EMP2: variants seen among roughly 807,000 people sequenced by gnomAD.
EMP2 encodes epithelial membrane protein 2.
EMP2 carries 19 observed loss-of-function variants against 13.7 expected under a neutral mutation model. The ratio of observed to expected loss-of-function variants is 1.38; its 90% CI spans 0.97 to 2.03. EMP2 has a LOEUF of 2.03. Ranked by LOEUF, EMP2 falls within the 30% of genes most tolerant of loss-of-function variation. The pLI is 0.00. For missense variants in EMP2, 253 were observed against 220.7 expected (o/e 1.15, Z -0.93); for synonymous variants, 97 against 84.7 (o/e 1.15, Z -0.80).
Position 10,532,996 on chromosome 16 carries a change from C to A in EMP2, c.413G>T (p.Ser138Ile), listed in dbSNP as rs748237183. 3.1e-6 allele frequency: 5 copies of A among 1,612,188 alleles called. No homozygotes were observed. The highest frequency in any genetic ancestry group is 4.2e-6 in the Non-Finnish European group (5 of 1,179,268). Residue 138 changes from serine to isoleucine, a missense_variant, in exon 5 of 5, where the codon AGC becomes ATC. Physicochemically the swap from Ser to Ile is moderately radical, Grantham distance 142 (BLOSUM62 -2). Coordinates refer to ENST00000359543, the MANE Select transcript of EMP2 (RefSeq NM_001424.6). ...AKFYPVTREG[S>I]YGYSYILAWV... ...CGCCAGGATGTAGGAGTAGCCGTAG[C>A]TGCCTTCTCTGGTCACGGGATAGAA...
chr16:10,550,861 G>A (rs958095783), intron 1 of EMP2, among the ~76,000 whole-genome samples: 2 of 151,974 alleles, frequency 1.3e-5, no homozygotes, highest in African/African-American at 2.4e-5. Flanking sequence ...TGTAATTCCA[G>A]GTACTCAGGA....
chr16:10,554,299 T>G (rs1269850857), intron 1 of EMP2, among the ~76,000 whole-genome samples: 1 of 152,216 alleles, frequency 6.6e-6, no homozygotes, highest in Non-Finnish European at 1.5e-5. Flanking sequence ...CCCAGAGTGC[T>G]AGGATTACAG....
rs1181159114 is a variant in EMP2 at position 10,576,734 on chromosome 16, T to C, written c.-61+3815A>G. The C allele has an allele frequency of 2.6e-5, 4 of 152,256 alleles. No individual in the cohort carries two copies. The South Asian group carries it at 6.2e-4, about 24-fold the overall frequency. The allele number at this position is 152,256 out of a possible 1,614,324, so 9.4% of individuals were successfully genotyped here. A position where few individuals can be genotyped will look rare whatever the true frequency, so the allele number is the denominator to read the frequency against. The stretch of plus-strand genomic sequence containing the variant: ...CAAGGAAGATGAGGGCCCCAGGAAT[T>C]CAATTATTCACTTTAGCAGCTACTC... On this transcript the variant is annotated intron_variant, in intron 1 of 4. Coordinates refer to ENST00000359543, the MANE Select transcript of EMP2 (RefSeq NM_001424.6).
chr16:10,577,788 G>T (rs951037668), intron 1 of EMP2, among the ~76,000 whole-genome samples: 8 of 151,984 alleles, frequency 5.3e-5, no homozygotes, highest in Admixed American at 1.3e-4. Flanking sequence ...TAATCCCAGT[G>T]CCTGGGCCCC....
intron 1 of EMP2, among the ~76,000 whole-genome samples, chr16:10,559,955 G>A (rs562729884): frequency 1.2e-4 from 19 of 152,244 alleles, no homozygotes; most frequent in Non-Finnish European, 2.6e-4. Context: ...GATTACAGGC[G>A]TGAGCCACCG....
intron 3 of EMP2, among the ~76,000 whole-genome samples, chr16:10,542,245 A>G (rs2050705596): frequency 6.6e-6 from 1 of 152,120 alleles, no homozygotes; most frequent in African/African-American, 2.4e-5. Flanking sequence ...AAAAATTACG[A>G]AAATTAGCTG....
rs769110170 is a variant in EMP2 at position 10,532,989 on chromosome 16, G to A, written c.420C>T (p.Gly140=). ...FYPVTREGSY[G]YSYILAWVAF... is the part of the protein sequence containing the mutation. ...CCACCCACGCCAGGATGTAGGAGTA[G>A]CCGTAGCTGCCTTCTCTGGTCACGG... Residue 140 remains glycine, a synonymous_variant, in exon 5 of 5, where the codon GGC becomes GGT. Coordinates refer to ENST00000359543, the MANE Select transcript of EMP2 (RefSeq NM_001424.6). 3.7e-6 allele frequency: 6 copies of A among 1,612,134 alleles called. No homozygotes were observed. The highest frequency in any genetic ancestry group is 2.7e-5 in the African/African-American group (2 of 74,946).
At chr16:10,547,907 AC>A (rs375112551) in intron 1 of EMP2, among the ~76,000 whole-genome samples, 30 of 152,126 alleles carry the variant, frequency 2.0e-4, no homozygotes, top group Middle Eastern at 3.4e-3. Flanking sequence ...TGGTCGTCAT[AC>A]CTGCAGTCCC....
At chr16:10,573,498 A>G (rs945128287) in intron 1 of EMP2, among the ~76,000 whole-genome samples, 1 of 152,168 alleles carries the variant, frequency 6.6e-6, no homozygotes, top group South Asian at 2.1e-4. Flanking sequence ...TGGATTTTCA[A>G]AACAGTCCCT....
chr16:10,535,666 C>T (rs1004233105), intron 4 of EMP2, among the ~76,000 whole-genome samples: 6 of 152,100 alleles, frequency 3.9e-5, no homozygotes, highest in African/African-American at 9.7e-5. Flanking sequence ...GCCATGATCA[C>T]GCCACTGTAC....
At chr16:10,551,509 C>A (rs1027657585) in intron 1 of EMP2, among the ~76,000 whole-genome samples, 3 of 152,126 alleles carry the variant, frequency 2.0e-5, no homozygotes, top group Non-Finnish European at 4.4e-5. Context: ...CGGGTTCAAG[C>A]GATTCTCCTG....
intron 2 of EMP2, chr16:10,545,344 C>A (rs2050731524): frequency 6.6e-6 from 1 of 152,234 alleles, no homozygotes; most frequent in African/African-American, 2.4e-5. Flanking sequence ...ACTCCCCAAC[C>A]CATGGGCCAT....
chr16:10,537,379 C>T (rs963568187), intron 4 of EMP2, among the ~76,000 whole-genome samples: 5 of 152,174 alleles, frequency 3.3e-5, no homozygotes, highest in South Asian at 4.1e-4. Context: ...CCTGGTGCAA[C>T]GTGGGCACCT....
At chr16:10,574,628 G>A (rs142253206) in intron 1 of EMP2, among the ~76,000 whole-genome samples, 19 of 151,986 alleles carry the variant, frequency 1.3e-4, no homozygotes, top group African/African-American at 3.9e-4. Flanking sequence ...GCACAATCTC[G>A]GCTCACTGCA....
chr16:10,579,657 G>C (rs1374544228), intron 1 of EMP2, among the ~76,000 whole-genome samples: 1 of 151,490 alleles, frequency 6.6e-6, no homozygotes, highest in African/African-American at 2.4e-5. Flanking sequence ...GGCTTCTTAA[G>C]TCCCTCTCCA....
chr16:10,570,766 C>G (rs1387906061), intron 1 of EMP2, among the ~76,000 whole-genome samples: 2 of 152,034 alleles, frequency 1.3e-5, no homozygotes, highest in African/African-American at 4.8e-5. Context: ...GTCTCAAACT[C>G]CTGGCCTGAA....
chr16:10,550,175 C>T (rs74409977), intron 1 of EMP2, among the ~76,000 whole-genome samples: 9,090 of 152,188 alleles, frequency 0.06, 349 homozygotes, highest in South Asian at 0.11. Context: ...CGTGAGCCAC[C>T]GCACCTGGTT....
At chr16:10,553,554 G>A (rs1013089502) in intron 1 of EMP2, among the ~76,000 whole-genome samples, 1 of 151,706 alleles carries the variant, frequency 6.6e-6, no homozygotes, top group Non-Finnish European at 1.5e-5. Context: ...TGGAGGGGCC[G>A]AAGGCTAGTA....
In EMP2 at chr16:10,528,589, C is replaced by G. The variant is rs1346524109; in HGVS notation, c.*4316G>C. 6.6e-6 allele frequency: 1 copy of G among 152,200 alleles called. No individual in the cohort carries two copies. The highest frequency in any genetic ancestry group is 1.5e-5 in the Non-Finnish European group (1 of 68,046). 9.4% of individuals were successfully genotyped at this position (152,200 alleles called of 1,614,324 possible). ...TTGCTCTGGGCAATCTGGTTTTAAA[C>G]TTTATTTTCCATGTACAGTTTCAGA... On this transcript the variant is annotated 3_prime_UTR_variant, in exon 5 of 5. Coordinates refer to ENST00000359543, the MANE Select transcript of EMP2 (RefSeq NM_001424.6).
Sources: allele counts gnomAD v4.1 joint callset (sites outside exome capture counted in the v4.1 genomes callset), GRCh38; gene constraint gnomAD v4.1.1; transcripts MANE v1.5; gene names NCBI Gene and HGNC (gene_info 2026-07-23, HGNC 2026-07-21).